WAC: variants seen among roughly 807,000 people sequenced by gnomAD.
WAC encodes WW domain containing adaptor with coiled-coil, also known as WW domain-containing adapter protein with coiled-coil.
Under a neutral mutation model 79.6 loss-of-function variants are expected in WAC, and 11 were observed. The ratio of observed to expected loss-of-function variants is 0.14; its 90% CI spans 0.09 to 0.23. The LOEUF is 0.23. Among genes scored for constraint, WAC ranks in the 10% least tolerant of loss-of-function variants. WAC has a pLI of 1.00. For missense variants in WAC, 728 were observed against 773.5 expected, an observed-to-expected ratio of 0.94 and a Z score of 0.70; for synonymous variants, 304 against 276.9, an observed-to-expected ratio of 1.10 and a Z score of -0.97.
chr10:28,533,750 A>G (rs1836423868), intron 1 of WAC, 130 bp downstream of exon 1: 1 of 749,748 alleles, frequency 1.3e-6, no homozygotes, highest in Admixed American at 3.3e-5. Flanking sequence ...GTTGGGGAGG[A>G]GGAGCGGCCG....
chr10:28,586,603 T>C (rs1169902149), intron 4 of WAC, among the ~76,000 whole-genome samples: 1 of 152,170 alleles, frequency 6.6e-6, no homozygotes, highest in Non-Finnish European at 1.5e-5. Context: ...AAGGATTGCT[T>C]GAGCCCAGAA....
intron 3 of WAC, among the ~76,000 whole-genome samples, chr10:28,554,294 A>G (rs1223508162): frequency 1.3e-5 from 2 of 152,228 alleles, no homozygotes; most frequent in African/African-American, 4.8e-5. Context: ...CCAGTCTCCC[A>G]TGGATACTGA....
chr10:28,604,542 G>A (rs1840837532), intron 7 of WAC, among the ~76,000 whole-genome samples: 1 of 152,112 alleles, frequency 6.6e-6, no homozygotes, highest in South Asian at 2.1e-4. Context: ...GACCAGCTTG[G>A]CCAATATGGC....
chr10:28,606,875 A>G (rs944990900), intron 7 of WAC, among the ~76,000 whole-genome samples: 3 of 152,228 alleles, frequency 2.0e-5, no homozygotes, highest in African/African-American at 7.2e-5. Flanking sequence ...CAGTGTGGTT[A>G]TATCAATTTA....
At chr10:28,544,435 TTC>T (rs1356367216) in intron 3 of WAC, among the ~76,000 whole-genome samples, 1 of 152,182 alleles carries the variant, frequency 6.6e-6, no homozygotes, top group Non-Finnish European at 1.5e-5. Flanking sequence ...GCTACTTAAT[TTC>T]TGAGTGTTTG....
chr10:28,558,076 A>G (rs1403262398), intron 3 of WAC, among the ~76,000 whole-genome samples: 3 of 149,694 alleles, frequency 2.0e-5, no homozygotes, highest in East Asian at 1.9e-4. Flanking sequence ...TCTGTCTCGG[A>G]AAAAAAAAGA....
At position 28,620,113 on chromosome 10, in the gene WAC, A is replaced by C. The variant is rs1841636913; in HGVS notation, c.*507A>C. 1 of 152,674 alleles carries C rather than the reference A, an allele frequency of 6.5e-6. No homozygotes were observed. Among genetic ancestry groups the C allele is most frequent in the South Asian group, 2.1e-4 (1 of 4,832 alleles). 9.5% of individuals were successfully genotyped at this position (152,674 alleles called of 1,614,324 possible). A position where few individuals can be genotyped will look rare whatever the true frequency, so the allele number is the denominator to read the frequency against. On this transcript the variant is annotated 3_prime_UTR_variant, in exon 14 of 14. Transcript: ENST00000354911. Reference sequence around the variant, plus strand: ...CAAAATATGAAACAACTGTTTCCACACTTGCACCTGATCAAGAGCAGTGCT... The same window carrying C: ...CAAAATATGAAACAACTGTTTCCACCCTTGCACCTGATCAAGAGCAGTGCT...
At chr10:28,557,250 GGCA>G (rs1235110894) in intron 3 of WAC, among the ~76,000 whole-genome samples, 2 of 151,902 alleles carry the variant, frequency 1.3e-5, no homozygotes, top group Non-Finnish European at 2.9e-5. Context: ...TAAACTGTTA[GGCA>G]TAATTTAATG....
intron 3 of WAC, among the ~76,000 whole-genome samples, chr10:28,571,829 A>T (rs539874982): frequency 6.6e-6 from 1 of 152,130 alleles, no homozygotes; most frequent in Admixed American, 6.5e-5. Context: ...TTGTAACTCT[A>T]ATCAGTCAGC....
At chr10:28,555,692 C>G (rs73609817) in intron 3 of WAC, among the ~76,000 whole-genome samples, 1 of 152,072 alleles carries the variant, frequency 6.6e-6, no homozygotes, top group Non-Finnish European at 1.5e-5. Context: ...TTCCCAGATT[C>G]ATATATTGAT....
chr10:28,589,554 C>G, intron 4 of WAC, 182 bp from the exon 5 acceptor site: 1 of 349,814 alleles, frequency 2.9e-6, no homozygotes, highest in East Asian at 4.5e-5. Flanking sequence ...TTATAAAGTT[C>G]TGTTGTCTTT....
intron 8 of WAC, among the ~76,000 whole-genome samples, chr10:28,609,305 G>A (rs1283544482): frequency 6.6e-6 from 1 of 152,214 alleles, no homozygotes; most frequent in African/African-American, 2.4e-5. Flanking sequence ...GGAGGTTGCA[G>A]TGAGCTGAGA....
At chr10:28,596,222 A>T (rs1840356355) in intron 7 of WAC, among the ~76,000 whole-genome samples, 181 bp downstream of exon 7, 1 of 152,224 alleles carries the variant, frequency 6.6e-6, no homozygotes, top group African/African-American at 2.4e-5. Flanking sequence ...TCTTTAATTT[A>T]TAATTATCCA....
chr10:28,575,354 CT>C (rs1839188264), intron 3 of WAC, among the ~76,000 whole-genome samples: 2 of 152,102 alleles, frequency 1.3e-5, no homozygotes, highest in African/African-American at 4.8e-5. Flanking sequence ...TGCTTTTGTT[CT>C]TTTTTATGGC....
chr10:28,578,378 TAAAG>T (rs1488949408), intron 3 of WAC, among the ~76,000 whole-genome samples: 1 of 152,152 alleles, frequency 6.6e-6, no homozygotes, highest in Non-Finnish European at 1.5e-5. Flanking sequence ...CTTAGTGTCT[TAAAG>T]AGAATAAAGA....
intron 3 of WAC, among the ~76,000 whole-genome samples, chr10:28,548,274 C>T (rs749243573): frequency 6.6e-6 from 1 of 151,970 alleles, no homozygotes; most frequent in Non-Finnish European, 1.5e-5. Context: ...TGCTTAGTGC[C>T]TTTTTGTCTA....
chr10:28,614,635 C>T lies in WAC; in HGVS notation c.1506C>T (p.Asp502=), dbSNP rs756020100. Residue 502 remains aspartate (D), a synonymous_variant, in exon 11 of 14, where the codon GAC becomes GAT. Coordinates refer to ENST00000354911, the MANE Select transcript of WAC (RefSeq NM_016628.5). The stretch of plus-strand genomic sequence containing the variant: ...CCACACAGCAGCCTGTAACTGCTGA[C>T]AAGCAGCAAGGTCATGAACCTGTCT... ...QSATQQPVTA[D]KQQGHEPVSP... 18 of 1,614,172 alleles carry T rather than the reference C, an allele frequency of 1.1e-5. No homozygotes were observed. The highest frequency in any genetic ancestry group is 1.5e-5 in the Non-Finnish European group (18 of 1,180,016).
intron 3 of WAC, 146 bp from the exon 4 acceptor site, chr10:28,583,253 A>G: frequency 1.9e-6 from 1 of 524,592 alleles, no homozygotes; most frequent in African/African-American, 2.0e-5. Flanking sequence ...TATACTATAA[A>G]AAGTATGACT....
At chr10:28,553,871 A>AT (rs993617708) in intron 3 of WAC, among the ~76,000 whole-genome samples, 24 of 151,716 alleles carry the variant, frequency 1.6e-4, no homozygotes, top group Non-Finnish European at 7.4e-5. Context: ...TAATCTAGAG[A>AT]TTTTTTTTCT....
Sources: allele counts gnomAD v4.1 joint callset (sites outside exome capture counted in the v4.1 genomes callset), GRCh38; gene constraint gnomAD v4.1.1; transcripts MANE v1.5; gene names NCBI Gene and HGNC (gene_info 2026-07-23, HGNC 2026-07-21).